TNIK: variants seen among roughly 807,000 people sequenced by gnomAD.
TNIK encodes TRAF2 and NCK interacting kinase, also known as TRAF2 and NCK-interacting protein kinase.
Under a neutral mutation model 191.3 loss-of-function variants are expected in TNIK, and 49 were observed. That is an observed-to-expected ratio of 0.26 (90% CI 0.20 to 0.32). The LOEUF (loss-of-function observed/expected upper bound fraction) is 0.32, where lower values mean the gene tolerates loss of function less well. Ranked by LOEUF, TNIK falls within the 10% of genes least tolerant of loss-of-function variation. The pLI is 1.00. For missense variants in TNIK, 1,155 were observed against 1,702.3 expected, an observed-to-expected ratio of 0.68 and a Z score of 5.66; for synonymous variants, 594 against 600.9, an observed-to-expected ratio of 0.99 and a Z score of 0.17.
At chr3:171,370,952 G>A (rs145346440) in intron 1 of TNIK, among the ~76,000 whole-genome samples, 59 of 152,134 alleles carry the variant, frequency 3.9e-4, no homozygotes, top group Non-Finnish European at 6.8e-4. Flanking sequence ...ACAATGGGTG[G>A]CTAAGAGGCA....
At chr3:171,333,584 G>GAAAAA (rs562856294) in intron 2 of TNIK, among the ~76,000 whole-genome samples, 51 of 114,260 alleles carry the variant, frequency 4.5e-4, no homozygotes, top group South Asian at 1.5e-3. Context: ...CAAAAAGAAA[G>GAAAAA]AAAAAAAAAA....
At chr3:171,443,916 A>G (rs1727155837) in intron 1 of TNIK, among the ~76,000 whole-genome samples, 1 of 150,734 alleles carries the variant, frequency 6.6e-6, no homozygotes, top group East Asian at 2.0e-4. Flanking sequence ...TATCCCTCTA[A>G]GTGTCAATAC....
At chr3:171,125,106 G>A (rs1470553615) in intron 17 of TNIK, among the ~76,000 whole-genome samples, 1 of 152,136 alleles carries the variant, frequency 6.6e-6, no homozygotes, top group East Asian at 1.9e-4. Flanking sequence ...ATTAACAGTG[G>A]CATTTTCTGC....
chr3:171,459,932 G>A (rs1012824677), intron 1 of TNIK, 75 bp downstream of exon 1: 7 of 606,130 alleles, frequency 1.2e-5, no homozygotes, highest in East Asian at 5.3e-5. Context: ...CCCAGCCCCA[G>A]CCCCCAGTCC....
At chr3:171,198,670 G>A (rs145382684) in intron 4 of TNIK, among the ~76,000 whole-genome samples, 1,553 of 152,272 alleles carry the variant, frequency 0.01, 25 homozygotes, top group African/African-American at 0.036. Flanking sequence ...GTTGGGGCTA[G>A]TTTTGGGTGC....
intron 21 of TNIK, among the ~76,000 whole-genome samples, chr3:171,104,648 A>G (rs1434640250): frequency 1.3e-5 from 2 of 151,856 alleles, no homozygotes; most frequent in African/African-American, 4.8e-5. Context: ...TTTAGAAACA[A>G]TATAGTTTAT....
chr3:171,199,818 G>A (rs141914063), intron 4 of TNIK, among the ~76,000 whole-genome samples: 18 of 152,328 alleles, frequency 1.2e-4, no homozygotes, highest in African/African-American at 3.6e-4. Flanking sequence ...AATGCTGCTA[G>A]CAGCCAAAAA....
intron 3 of TNIK, among the ~76,000 whole-genome samples, chr3:171,211,754 C>T (rs868727832): frequency 1.6e-4 from 25 of 152,228 alleles, no homozygotes; most frequent in African/African-American, 5.8e-4. Context: ...AAGGTAAGTT[C>T]TCTAGATCTA....
At chr3:171,354,504 C>T (rs1230008405) in intron 2 of TNIK, among the ~76,000 whole-genome samples, 2 of 152,156 alleles carry the variant, frequency 1.3e-5, no homozygotes, top group Non-Finnish European at 2.9e-5. Flanking sequence ...TCTCTGTGTC[C>T]TTACCCTTGG....
chr3:171,276,796 G>T lies in TNIK; in HGVS notation c.124-48575C>A, dbSNP rs573497258. Among the ~76,000 whole-genome samples the T allele has an allele frequency of 2.6e-4, 40 of 152,256 alleles. No individual in the cohort carries two copies. In the South Asian group the frequency reaches 7.9e-3, roughly 30 times the overall value. On this transcript the variant is annotated intron_variant, in intron 2 of 32. Coordinates refer to ENST00000436636, the MANE Select transcript of TNIK (RefSeq NM_015028.4). ...ATTCATCAAGATGCATACTTAAGAA[G>T]TAAACTTTTAAACTATGAATGTTTA...
intron 2 of TNIK, among the ~76,000 whole-genome samples, chr3:171,278,495 A>T (rs1750040022): frequency 6.6e-6 from 1 of 152,210 alleles, no homozygotes; most frequent in Non-Finnish European, 1.5e-5. Flanking sequence ...AGATAAAAAA[A>T]ATTTAAAAAC....
intron 2 of TNIK, among the ~76,000 whole-genome samples, chr3:171,328,482 C>T (rs998812954): frequency 1.3e-5 from 2 of 152,204 alleles, no homozygotes; most frequent in Non-Finnish European, 2.9e-5. Flanking sequence ...TTTCTGCAGA[C>T]ACACAGTTTA....
chr3:171,355,579 C>T (rs1440252255), intron 2 of TNIK, among the ~76,000 whole-genome samples: 2 of 152,198 alleles, frequency 1.3e-5, no homozygotes, highest in Non-Finnish European at 2.9e-5. Flanking sequence ...GTCCTGTTTT[C>T]ACTAACTTTC....
rs533213507 is a variant in TNIK at position 171,386,826 on chromosome 3, T to A, written c.58-17141A>T. 3.9e-5 allele frequency among the ~76,000 whole-genome samples: 6 copies of A among 152,362 alleles called. No homozygotes were observed. In the East Asian group the frequency reaches 9.6e-4, roughly 24 times the overall value. ...CTCTATCAAAGCCAGTGTTCTCTGC[T>A]AAAGGTGGTGTTCCAGGACCTCTGT... On this transcript the variant is annotated intron_variant, in intron 1 of 32. Coordinates refer to ENST00000436636, the MANE Select transcript of TNIK (RefSeq NM_015028.4).
At chr3:171,230,492 G>T (rs915839148) in intron 2 of TNIK, among the ~76,000 whole-genome samples, 6 of 152,054 alleles carry the variant, frequency 3.9e-5, no homozygotes, top group African/African-American at 1.4e-4. Context: ...CGGCTTGCAG[G>T]GCCCTCCAAG....
At chr3:171,208,264 T>G (rs1019153655) in intron 4 of TNIK, among the ~76,000 whole-genome samples, 10 of 151,906 alleles carry the variant, frequency 6.6e-5, no homozygotes, top group African/African-American at 2.4e-4. Flanking sequence ...ACGGCTACAG[T>G]GAGCTATCAC....
At chr3:171,125,831 T>A (rs1170560577) in intron 17 of TNIK, 81 bp downstream of exon 17, 19 of 1,554,518 alleles carry the variant, frequency 1.2e-5, no homozygotes, top group Non-Finnish European at 1.6e-5. Context: ...CATTCTCCAC[T>A]ACTACGAAAG....
At chr3:171,220,351 C>A (rs780943330) in intron 3 of TNIK, among the ~76,000 whole-genome samples, 9 of 151,812 alleles carry the variant, frequency 5.9e-5, no homozygotes, top group Non-Finnish European at 1.2e-4. Flanking sequence ...TGTAGCAAAC[C>A]TGCATGTTCT....
intron 10 of TNIK, among the ~76,000 whole-genome samples, chr3:171,161,647 G>A (rs182714209): frequency 8.3e-4 from 127 of 152,164 alleles, no homozygotes; most frequent in Admixed American, 2.8e-3. Flanking sequence ...GGCCGGGCAC[G>A]GTGGCTCACG....
Sources: allele counts gnomAD v4.1 joint callset (sites outside exome capture counted in the v4.1 genomes callset), GRCh38; gene constraint gnomAD v4.1.1; transcripts MANE v1.5; gene names NCBI Gene and HGNC (gene_info 2026-07-23, HGNC 2026-07-21).